RYR2: variants seen among roughly 807,000 people sequenced by gnomAD.
RYR2 encodes the protein cardiac muscle ryanodine receptor-calcium release channel.
A neutral mutation model predicts 601.1 loss-of-function variants in RYR2; 227 were observed. The observed-to-expected ratio is 0.38, with a 90% CI of 0.34 to 0.42. The LOEUF is 0.42. Ranked by LOEUF, RYR2 falls within the 10% of genes least tolerant of loss-of-function variation. The pLI is 1.00. For synonymous variants in RYR2, 2,223 were observed against 2,175.1 expected, an observed-to-expected ratio of 1.02 and a Z score of -0.61; for missense variants, 4,646 against 6,156.5, an observed-to-expected ratio of 0.75 and a Z score of 8.21.
chr1:237,354,424 A>T (rs1006193188), intron 3 of RYR2, among the ~76,000 whole-genome samples: 5 of 152,100 alleles, frequency 3.3e-5, no homozygotes, highest in African/African-American at 1.2e-4. Context: ...AATGTCTTTG[A>T]TAATCGTTGA....
chr1:237,577,922 C>T (rs1673449042), intron 29 of RYR2, among the ~76,000 whole-genome samples: 1 of 152,182 alleles, frequency 6.6e-6, no homozygotes, highest in Admixed American at 6.5e-5. Flanking sequence ...CCTCCCTCAA[C>T]CTCCCAAGTA....
intron 1 of RYR2, among the ~76,000 whole-genome samples, chr1:237,131,488 T>C (rs1672168320): frequency 2.0e-5 from 3 of 152,092 alleles, no homozygotes; most frequent in Admixed American, 2.0e-4. Flanking sequence ...CCCAGATATT[T>C]GAACTATTGG....
chr1:237,275,547 TG>T (rs1409012641), intron 2 of RYR2, among the ~76,000 whole-genome samples: 3 of 152,022 alleles, frequency 2.0e-5, no homozygotes, highest in Non-Finnish European at 4.4e-5. Context: ...AGTAGTTTCA[TG>T]GCCCCAATAA....
intron 86 of RYR2, among the ~76,000 whole-genome samples, chr1:237,772,694 A>G (rs749642342): frequency 3.3e-5 from 5 of 152,174 alleles, no homozygotes; most frequent in Admixed American, 6.6e-5. Context: ...AACCAGGCAC[A>G]GTATTTTTAA....
At chr1:237,492,779 G>A (rs940401786) in intron 18 of RYR2, among the ~76,000 whole-genome samples, 175 bp from the exon 19 acceptor site, 1 of 151,072 alleles carries the variant, frequency 6.6e-6, no homozygotes, top group Non-Finnish European at 1.5e-5. Flanking sequence ...AGCTATGATC[G>A]CATCACTGCA....
intron 3 of RYR2, among the ~76,000 whole-genome samples, chr1:237,353,206 T>G (rs1283860518): frequency 6.6e-6 from 1 of 152,180 alleles, no homozygotes; most frequent in Non-Finnish European, 1.5e-5. Context: ...AAGCAAACTT[T>G]TTTTAAAAAA....
intron 17 of RYR2, among the ~76,000 whole-genome samples, chr1:237,478,376 A>G (rs1044953702): frequency 1.3e-5 from 2 of 152,206 alleles, no homozygotes; most frequent in Non-Finnish European, 2.9e-5. Context: ...AATGGTAAAA[A>G]TATCTGCCTC....
intron 12 of RYR2, among the ~76,000 whole-genome samples, chr1:237,438,003 G>T (rs1380042796): frequency 6.8e-6 from 1 of 147,550 alleles, no homozygotes; most frequent in Non-Finnish European, 1.5e-5. Flanking sequence ...ACTTAAGCTA[G>T]AGTGTTTTAA....
intron 17 of RYR2, among the ~76,000 whole-genome samples, chr1:237,482,062 A>G (rs1019082606): frequency 2.0e-5 from 3 of 152,112 alleles, no homozygotes; most frequent in African/African-American, 7.2e-5. Flanking sequence ...TTATGAGTAC[A>G]TAGTAGGTGT....
intron 1 of RYR2, among the ~76,000 whole-genome samples, chr1:237,163,968 C>T (rs182738568): frequency 1.1e-3 from 162 of 152,286 alleles, no homozygotes; most frequent in African/African-American, 3.8e-3. Flanking sequence ...AATGAGACTA[C>T]GGCTTCAAAT....
intron 20 of RYR2, among the ~76,000 whole-genome samples, chr1:237,497,273 A>G (rs1187956426): frequency 2.0e-5 from 3 of 152,228 alleles, no homozygotes; most frequent in Admixed American, 6.5e-5. Flanking sequence ...AACAAATGAC[A>G]CTTTGTTTCA....
intron 16 of RYR2, among the ~76,000 whole-genome samples, chr1:237,465,620 G>A (rs188874610): frequency 3.3e-5 from 5 of 152,072 alleles, no homozygotes; most frequent in Admixed American, 6.6e-5. Flanking sequence ...CCTACTGCAC[G>A]GCTATGCTAT....
intron 1 of RYR2, among the ~76,000 whole-genome samples, chr1:237,101,252 C>T (rs1363938978): frequency 7.2e-6 from 1 of 139,518 alleles, no homozygotes; most frequent in African/African-American, 2.6e-5. Flanking sequence ...CCTTGGATGC[C>T]AACAGGGAAA....
chr1:237,410,865 G>A (rs1182019371), intron 10 of RYR2, among the ~76,000 whole-genome samples: 2 of 152,116 alleles, frequency 1.3e-5, no homozygotes, highest in Admixed American at 6.6e-5. Flanking sequence ...AGGAAAAGAA[G>A]TATTCTTTTA....
chr1:237,172,803 T>C (rs1385135670), intron 1 of RYR2, among the ~76,000 whole-genome samples: 1 of 152,128 alleles, frequency 6.6e-6, no homozygotes, highest in Admixed American at 6.5e-5. Flanking sequence ...AAGGTTCTGG[T>C]TGGTGGTTCG....
chr1:237,408,883 G>T (rs1413210154), intron 10 of RYR2, among the ~76,000 whole-genome samples: 1 of 152,010 alleles, frequency 6.6e-6, no homozygotes, highest in Non-Finnish European at 1.5e-5. Flanking sequence ...TCTTTATTTA[G>T]ATTTTGTACA....
intron 10 of RYR2, among the ~76,000 whole-genome samples, chr1:237,392,971 G>T (rs1247821915): frequency 1.3e-5 from 2 of 152,146 alleles, no homozygotes; most frequent in African/African-American, 4.8e-5. Flanking sequence ...GTGGGCATAT[G>T]CGGCAATAAA....
chr1:237,185,036 A>T (rs574952179), intron 1 of RYR2, among the ~76,000 whole-genome samples: 1 of 151,822 alleles, frequency 6.6e-6, no homozygotes, highest in East Asian at 1.9e-4. Context: ...CACCTGGCTA[A>T]TCTTATTTTT....
chr1:237,806,359 C>T, intron 99 of RYR2, 76 bp downstream of exon 99: 1 of 1,370,512 alleles, frequency 7.3e-7, no homozygotes, highest in Non-Finnish European at 1.0e-6. Flanking sequence ...TAAAACTACC[C>T]CTCAAATGAC....
Sources: gnomAD v4.1 joint callset for allele counts (sites outside exome capture counted in the v4.1 genomes callset) on GRCh38, gnomAD v4.1.1 for gene constraint, MANE v1.5 for transcripts, NCBI Gene and HGNC (gene_info 2026-07-23, HGNC 2026-07-21) for gene names.